SLC25A23: variants seen among roughly 807,000 people sequenced by gnomAD.
SLC25A23 encodes solute carrier family 25 member 23, also known as mitochondrial adenyl nucleotide antiporter SLC25A23.
SLC25A23 carries 32 observed loss-of-function variants against 53.9 expected under a neutral mutation model. The observed-to-expected ratio is 0.59, with a 90% CI of 0.45 to 0.80. The LOEUF is 0.80. Ranked by LOEUF, SLC25A23 falls within the 30% of genes least tolerant of loss-of-function variation. The probability of loss-of-function intolerance (pLI) is 0.00; values close to 1 mark genes in which losing one functional copy is unlikely to be tolerated. For missense variants in SLC25A23, 575 were observed against 651.4 expected, an observed-to-expected ratio of 0.88 and a Z score of 1.28; for synonymous variants, 275 against 264.5, an observed-to-expected ratio of 1.04 and a Z score of -0.38.
intron 9 of SLC25A23, among the ~76,000 whole-genome samples, chr19:6,442,799 C>T (rs1440332592): frequency 6.6e-6 from 1 of 152,164 alleles, no homozygotes; most frequent in Non-Finnish European, 1.5e-5. Context: ...GATCCATCCG[C>T]CTCGGCCTCC....
chr19:6,451,775 G>A (rs955506819), intron 8 of SLC25A23, among the ~76,000 whole-genome samples: 2 of 151,888 alleles, frequency 1.3e-5, no homozygotes, highest in African/African-American at 4.8e-5. Flanking sequence ...ACCGTGGCTG[G>A]GTCTGATACT....
Position 6,442,161 on chromosome 19 carries a change from T to TGGGTGGGGGGGTGGGGGGGG in SLC25A23, c.1223-3_1223-2insCCCCCCCCACCCCCCCACCC. 1 of 747,912 alleles carries TGGGTGGGGGGGTGGGGGGGG rather than the reference T, an allele frequency of 1.3e-6. No individual in the cohort carries two copies. The highest frequency in any genetic ancestry group is 2.0e-6 in the Non-Finnish European group (1 of 504,220). The allele number at this position is 747,912 out of a possible 1,614,324, so 46.3% of individuals were successfully genotyped here. A position where few individuals can be genotyped will look rare whatever the true frequency, so the allele number is the denominator to read the frequency against. On this transcript the variant is annotated splice_region_variant and splice_polypyrimidine_tract_variant and intron_variant, in intron 9 of 9. Coordinates refer to ENST00000301454, the MANE Select transcript of SLC25A23 (RefSeq NM_024103.3). ...GCTGGGGGCCACCCTCGATGGAGGC[T>TGGGTGGGGGGGTGGGGGGGG]GGGAGGGGGCGGGGGGGGCACCAGG...
In SLC25A23 at chr19:6,455,368, G is replaced by GC. The variant is rs2092663640; in HGVS notation, c.484-652dup. 2.0e-5 allele frequency among the ~76,000 whole-genome samples: 3 copies of GC among 152,088 alleles called. No homozygotes were observed. In the South Asian group the frequency reaches 6.2e-4, roughly 32 times the overall value. On this transcript the variant is annotated intron_variant, in intron 4 of 9. Transcript: ENST00000301454. Reference sequence around the variant, plus strand: ...AATGATTCCAAAAGATCCCTTCAGGGCCATACAAGATCTTACCAGGCACCT... The same window carrying GC: ...AATGATTCCAAAAGATCCCTTCAGGGCCCATACAAGATCTTACCAGGCACCT...
downstream of SLC25A23, chr19:6,438,297 CAG>C (rs1007556917): frequency 2.0e-5 from 3 of 152,160 alleles, no homozygotes; most frequent in Non-Finnish European, 2.9e-5. Flanking sequence ...GCCTGGGAAA[CAG>C]AGCGAAACTG....
chr19:6,443,511 A>G, intron 9 of SLC25A23: 1 of 683,920 alleles, frequency 1.5e-6, no homozygotes, highest in Non-Finnish European at 2.7e-6. Context: ...TACAGATGTG[A>G]GCCACTGTGC....
At chr19:6,447,474 CTTTATT>C (rs2092523583) in intron 8 of SLC25A23, among the ~76,000 whole-genome samples, 1 of 151,724 alleles carries the variant, frequency 6.6e-6, no homozygotes, top group East Asian at 1.9e-4. Flanking sequence ...GGCTAATTAT[CTTTATT>C]TTTATTTTAT....
Position 6,459,639 on chromosome 19 carries a change from C to T in SLC25A23, c.-11G>A. ...CGGGCTCCCCCGCATGGCGCCCGCC[C>T]GGGGGGGAGGGGAGGCCCGGCAGCG... On this transcript the variant is annotated 5_prime_UTR_variant, in exon 1 of 10. Transcript: ENST00000301454. The surrounding 1 kb of genome is among the most constrained non-coding windows in gnomAD (Gnocchi z 4.6). The T allele has an allele frequency of 2.1e-6, 3 of 1,436,310 alleles. No individual in the cohort carries two copies. The highest frequency in any genetic ancestry group is 2.8e-5 in the East Asian group (1 of 35,228). The allele number at this position is 1,436,310 out of a possible 1,614,324, so 89.0% of individuals were successfully genotyped here. A position where few individuals can be genotyped will look rare whatever the true frequency, so the allele number is the denominator to read the frequency against.
chr19:6,439,399 T>TCTCACACACACACA (rs1196510603), downstream of SLC25A23, among the ~76,000 whole-genome samples: 1 of 123,988 alleles, frequency 8.1e-6, no homozygotes, highest in African/African-American at 3.2e-5. Flanking sequence ...TCTCTCTCTC[T>TCTCACACACACACA]CACACACACA....
chr19:6,453,203 A>G (rs986956411), intron 7 of SLC25A23, among the ~76,000 whole-genome samples: 3 of 151,860 alleles, frequency 2.0e-5, no homozygotes, highest in Non-Finnish European at 4.4e-5. Flanking sequence ...TCCCAGCCTG[A>G]AATGCTCATC....
rs559930740 is a variant in SLC25A23, at chr19:6,454,198, G to A, written c.796-110C>T. ...CTGGCTTGCTGCAGGCATTCATGCAGAGGAGCAGATGCCTGATCCTGGGGA... is the reference window on the plus strand; with the variant it reads ...CTGGCTTGCTGCAGGCATTCATGCAAAGGAGCAGATGCCTGATCCTGGGGA... On this transcript the variant is annotated intron_variant, in intron 6 of 9. Transcript: ENST00000301454. The surrounding 1 kb of genome is among the most constrained non-coding windows in gnomAD (Gnocchi z 4.3). The A allele has an allele frequency of 6.7e-7, 1 of 1,503,064 alleles. No individual in the cohort carries two copies. Among genetic ancestry groups the A allele is most frequent in the East Asian group, 2.3e-5 (1 of 44,088 alleles). The allele number at this position is 1,503,064 out of a possible 1,614,324, so 93.1% of individuals were successfully genotyped here. A position where few individuals can be genotyped will look rare whatever the true frequency, so the allele number is the denominator to read the frequency against.
Position 6,454,250 on chromosome 19 carries a change from C to T in SLC25A23, c.795+73G>A. The T allele has an allele frequency of 6.4e-7, 1 of 1,556,016 alleles. No homozygotes were observed. The highest frequency in any genetic ancestry group is 1.4e-5 in the African/African-American group (1 of 73,758). ...CTGTGTTCACCACCCACCCCCAAGC[C>T]AATCCCGTAAATCTTTATGTACAGC... On this transcript the variant is annotated intron_variant, in intron 6 of 9. Transcript: ENST00000301454. The surrounding 1 kb of genome is among the most constrained non-coding windows in gnomAD (Gnocchi z 4.3).
At chr19:6,445,380 A>AT (rs1334977311) in intron 8 of SLC25A23, among the ~76,000 whole-genome samples, 1 of 152,158 alleles carries the variant, frequency 6.6e-6, no homozygotes, top group Non-Finnish European at 1.5e-5. Context: ...AAGTGCTGGG[A>AT]TTACAAGCAT....
rs1316393896 is a variant in SLC25A23, at chr19:6,452,351, G to A, written c.1032C>T (p.Gly344=). The A allele has an allele frequency of 6.2e-7, 1 of 1,613,634 alleles. No individual in the cohort carries two copies. The highest frequency in any genetic ancestry group is 1.1e-5 in the South Asian group (1 of 90,952). ...GGTCGATGCCCGCATAGGGGATGAT[G>A]CCCAGCACGTTGGGGAGGTAGCCGC... is the stretch of plus-strand genomic sequence containing the variant. ...FYRGYLPNVL[G]IIPYAGIDLA... is the part of the protein sequence containing the mutation. Residue 344 remains glycine, a synonymous_variant, in exon 8 of 10, where the codon GGC becomes GGT. Transcript: ENST00000301454.
chr19:6,446,105 G>T (rs10408607), intron 8 of SLC25A23, among the ~76,000 whole-genome samples: 25,793 of 151,150 alleles, frequency 0.17, 5,363 homozygotes, highest in African/African-American at 0.5. Context: ...TCCTCACACT[G>T]GTAATCCCAG....
rs1462091168 is a variant in SLC25A23 at position 6,440,832 on chromosome 19, G to C, written c.*1143C>G. 1 of 152,216 alleles carries C rather than the reference G, an allele frequency of 6.6e-6. No homozygotes were observed. The highest frequency in any genetic ancestry group is 1.5e-5 in the Non-Finnish European group (1 of 68,080). 9.4% of individuals were successfully genotyped at this position (152,216 alleles called of 1,614,324 possible). ...GTGTGTGTGGGATACTCTGTGACTG[G>C]GCTGCCAGGATCTAGACTTGGGGCC... On this transcript the variant is annotated 3_prime_UTR_variant, in exon 10 of 10. Coordinates refer to ENST00000301454, the MANE Select transcript of SLC25A23 (RefSeq NM_024103.3).
At chr19:6,451,649 C>G (rs1043167287) in intron 8 of SLC25A23, among the ~76,000 whole-genome samples, 6 of 152,110 alleles carry the variant, frequency 3.9e-5, no homozygotes, top group Admixed American at 6.6e-5. Context: ...CAGCCAAGAA[C>G]TGTCTGCACC....
Position 6,459,640 on chromosome 19 carries a change from G to T in SLC25A23, c.-12C>A, listed in dbSNP as rs747828994. The T allele has an allele frequency of 7.1e-6, 10 of 1,399,796 alleles. No individual in the cohort carries two copies. Among genetic ancestry groups the T allele is most frequent in the East Asian group, 2.9e-5 (1 of 34,498 alleles). The allele number at this position is 1,399,796 out of a possible 1,614,324, so 86.7% of individuals were successfully genotyped here. On this transcript the variant is annotated 5_prime_UTR_variant, in exon 1 of 10. Transcript: ENST00000301454. The surrounding 1 kb of genome is among the most constrained non-coding windows in gnomAD (Gnocchi z 4.6). Reference sequence around the variant, plus strand: ...GGGCTCCCCCGCATGGCGCCCGCCCGGGGGGGAGGGGAGGCCCGGCAGCGG... The same window carrying T: ...GGGCTCCCCCGCATGGCGCCCGCCCTGGGGGGAGGGGAGGCCCGGCAGCGG...
intron 3 of SLC25A23, 46 bp downstream of exon 3, chr19:6,457,457 C>CA (rs749011977): frequency 4.1e-5 from 62 of 1,530,214 alleles, no homozygotes; most frequent in Admixed American, 6.7e-5. Flanking sequence ...GCCAAGGGGT[C>CA]ACTGTGTCCT....
downstream of SLC25A23, among the ~76,000 whole-genome samples, chr19:6,439,142 C>T (rs545645418): frequency 6.1e-4 from 92 of 151,834 alleles, no homozygotes; most frequent in Non-Finnish European, 8.0e-4. Context: ...ATCACTTGAG[C>T]CCAGGAGGTG....
Sources: gnomAD v4.1 joint callset for allele counts (sites outside exome capture counted in the v4.1 genomes callset) on GRCh38, gnomAD v4.1.1 for gene constraint, Gnocchi (gnomAD v3.1) non-coding constraint, MANE v1.5 for transcripts, NCBI Gene and HGNC (gene_info 2026-07-23, HGNC 2026-07-21) for gene names.